Variants in VAV2 observed in about 807,000 individuals in gnomAD.
VAV2 encodes the protein vav guanine nucleotide exchange factor 2, also known as guanine nucleotide exchange factor VAV2.
VAV2 carries 67 observed loss-of-function variants against 132.5 expected under a neutral mutation model. That is an observed-to-expected ratio of 0.51 (90% confidence interval 0.42 to 0.62). VAV2 has a LOEUF of 0.62. Among genes scored for constraint, VAV2 ranks in the 20% least tolerant of loss-of-function variants. VAV2 has a pLI of 0.00. For missense variants in VAV2, 938 were observed against 1,153.6 expected (o/e 0.81, Z 2.71); for synonymous variants, 492 against 443.5 (o/e 1.11, Z -1.37).
At chr9:133,915,078 C>T (rs946690190) in intron 2 of VAV2, among the ~76,000 whole-genome samples, 9 of 152,088 alleles carry the variant, frequency 5.9e-5, no homozygotes, top group Admixed American at 3.3e-4. Flanking sequence ...TGAAACAGGC[C>T]GCTTGGCCGG....
chr9:133,861,813 T>A (rs755826444), intron 2 of VAV2, among the ~76,000 whole-genome samples: 1 of 152,176 alleles, frequency 6.6e-6, no homozygotes, highest in African/African-American at 2.4e-5. Flanking sequence ...TATTACTAAG[T>A]ACAGCTCGTG....
intron 4 of VAV2, among the ~76,000 whole-genome samples, chr9:133,813,445 G>C (rs1049781413): frequency 1.3e-5 from 2 of 152,270 alleles, no homozygotes; most frequent in Admixed American, 1.3e-4. Context: ...CGCCTTTTAA[G>C]GCTTGGGTTG....
At chr9:133,860,540 C>T (rs1343532863) in intron 3 of VAV2, among the ~76,000 whole-genome samples, 1 of 152,082 alleles carries the variant, frequency 6.6e-6, no homozygotes, top group African/African-American at 2.4e-5. Context: ...CACAGCATCC[C>T]CCACGGATCA....
rs2132057128 is a variant in VAV2, at chr9:133,915,121, C to A, written c.321+23982G>T. Among the ~76,000 whole-genome samples the A allele has an allele frequency of 1.3e-5, 2 of 152,218 alleles. 1 individual carries two copies. The highest frequency in any genetic ancestry group is 4.1e-4 in the South Asian group (2 of 4,826). ...CCGGCCTGTTCTCCATTAGTGTCCC[C>A]TTTTCCTGGCTCAGGGAGTTCACAC... On this transcript the variant is annotated intron_variant, in intron 2 of 29. Transcript: ENST00000371850.
At chr9:133,852,291 C>G (rs1837219269) in intron 3 of VAV2, among the ~76,000 whole-genome samples, 1 of 150,488 alleles carries the variant, frequency 6.6e-6, no homozygotes, top group Non-Finnish European at 1.5e-5. Context: ...AAAGAATGGA[C>G]AGGCAGATGG....
intron 1 of VAV2, among the ~76,000 whole-genome samples, chr9:133,942,906 G>C (rs1469138889): frequency 6.6e-6 from 1 of 152,232 alleles, no homozygotes; most frequent in African/African-American, 2.4e-5. Context: ...GGATGGCAGA[G>C]ACCGGGACAA....
At chr9:133,924,485 T>C (rs1165039599) in intron 2 of VAV2, among the ~76,000 whole-genome samples, 1 of 152,214 alleles carries the variant, frequency 6.6e-6, no homozygotes, top group Non-Finnish European at 1.5e-5. Flanking sequence ...CCACAGCGCC[T>C]GGCCCTTATT....
rs950725842 is a variant in VAV2 at position 133,857,051 on chromosome 9, C to T, written c.380+4323G>A. Among the ~76,000 whole-genome samples the T allele has an allele frequency of 1.3e-5, 2 of 152,310 alleles. No homozygotes were observed. Among genetic ancestry groups the T allele is most frequent in the East Asian group, 3.9e-4 (2 of 5,174 alleles). On this transcript the variant is annotated intron_variant, in intron 3 of 29. Transcript: ENST00000371850. This position sits in a 1 kb window ranked among gnomAD's most constrained non-coding sequence, Gnocchi z 4.0. ...AGAGACAAAGGTTCCAAGAGCATCC[C>T]TGCCCAAGGTCATTTGGCTGACAGA... is the stretch of plus-strand genomic sequence containing the variant.
intron 23 of VAV2, 127 bp from the exon 24 acceptor site, chr9:133,776,207 C>T (rs767017674): frequency 7.5e-7 from 1 of 1,340,626 alleles, no homozygotes; most frequent in Non-Finnish European, 9.9e-7. Context: ...TGTCTGTGGA[C>T]TTAGCCCCAG....
chr9:133,945,503 A>G (rs1431391180), intron 1 of VAV2, among the ~76,000 whole-genome samples: 4 of 152,246 alleles, frequency 2.6e-5, no homozygotes, highest in Non-Finnish European at 5.9e-5. Context: ...TGGAGGCCCC[A>G]GAAGGCAGGT....
chr9:133,867,710 T>C (rs1362766675), intron 2 of VAV2, among the ~76,000 whole-genome samples: 1 of 152,256 alleles, frequency 6.6e-6, no homozygotes. Context: ...TCTCGCCACC[T>C]GGAGCTGGAA....
chr9:133,888,567 C>A (rs1838804692), intron 2 of VAV2, among the ~76,000 whole-genome samples: 1 of 152,190 alleles, frequency 6.6e-6, no homozygotes, highest in Non-Finnish European at 1.5e-5. Flanking sequence ...GGAGCCACGT[C>A]ACTCTCACAG....
rs1157691276 is a variant in VAV2 at position 133,764,235 on chromosome 9, G to A, written c.2590-126C>T. On this transcript the variant is annotated intron_variant, in intron 29 of 29. Transcript: ENST00000371850. ...ATGGGGGGCCCTTCGGAAGTCCAGAGTTCTCAGAAGGACCTGGTGGAACCA... is the reference window on the plus strand; with the variant it reads ...ATGGGGGGCCCTTCGGAAGTCCAGAATTCTCAGAAGGACCTGGTGGAACCA... 4 of 1,175,190 alleles carry A rather than the reference G, an allele frequency of 3.4e-6. No homozygotes were observed. In the East Asian group the frequency reaches 1.0e-4, roughly 30 times the overall value. The allele number at this position is 1,175,190 out of a possible 1,614,324, so 72.8% of individuals were successfully genotyped here. A position where few individuals can be genotyped will look rare whatever the true frequency, so the allele number is the denominator to read the frequency against.
intron 1 of VAV2, among the ~76,000 whole-genome samples, chr9:133,986,979 A>G (rs1204524050): frequency 6.6e-6 from 1 of 151,420 alleles, no homozygotes; most frequent in Non-Finnish European, 1.5e-5. Context: ...TGCGTGGCAC[A>G]CAGCAGGGTT....
chr9:133,891,417 A>G (rs1343949642), intron 2 of VAV2, among the ~76,000 whole-genome samples: 1 of 212 alleles, frequency 4.7e-3, no homozygotes, highest in Non-Finnish European at 8.8e-3. Context: ...TGGAGGGGGG[A>G]TGGAGGGGGG....
At chr9:133,890,804 C>T (rs571068832) in intron 2 of VAV2, among the ~76,000 whole-genome samples, 6 of 152,116 alleles carry the variant, frequency 3.9e-5, no homozygotes, top group African/African-American at 1.2e-4. Context: ...GGAAGCCGCA[C>T]GCTGGTGACG....
chr9:133,867,188 A>ACG (rs1837840843), intron 2 of VAV2, among the ~76,000 whole-genome samples: 1 of 152,046 alleles, frequency 6.6e-6, no homozygotes, highest in African/African-American at 2.4e-5. Context: ...CTGTCCACAT[A>ACG]GGGTCCTCAG....
chr9:133,910,888 C>A (rs532532044), intron 2 of VAV2, among the ~76,000 whole-genome samples: 24 of 151,680 alleles, frequency 1.6e-4, no homozygotes, highest in African/African-American at 5.3e-4. Flanking sequence ...GTTGTCTGCA[C>A]TGGTACAGAG....
At chr9:133,910,309 G>A (rs1287078821) in intron 2 of VAV2, among the ~76,000 whole-genome samples, 4 of 152,088 alleles carry the variant, frequency 2.6e-5, no homozygotes, top group East Asian at 1.9e-4. Context: ...GGTGAGTTTC[G>A]GCTCCTGATG....
Sources: allele counts gnomAD v4.1 joint callset (sites outside exome capture counted in the v4.1 genomes callset), GRCh38; gene constraint gnomAD v4.1.1; non-coding constraint Gnocchi (gnomAD v3.1); transcripts MANE v1.5; gene names NCBI Gene and HGNC (gene_info 2026-07-23, HGNC 2026-07-21).